The following CDH18 variants were observed in gnomAD, a reference collection of about 807,000 sequenced individuals.
The protein encoded by CDH18 is cadherin-18.
In CDH18, 31 loss-of-function variants were observed where a neutral mutation model predicts 67.9. The ratio of observed to expected loss-of-function variants is 0.46; its 90% confidence interval spans 0.34 to 0.62. CDH18 has a LOEUF of 0.62. CDH18 is among the 20% of genes least tolerant of loss of function. CDH18 has a pLI of 0.01. For missense variants in CDH18, 890 were observed against 975.5 expected (o/e 0.91, Z 1.17); for synonymous variants, 362 against 347.2 (o/e 1.04, Z -0.48).
chr5:19,864,349 A>C (rs1193323132), intron 2 of CDH18, among the ~76,000 whole-genome samples: 1 of 126,086 alleles, frequency 7.9e-6, no homozygotes, highest in Non-Finnish European at 1.6e-5. Flanking sequence ...GGACACAGGA[A>C]GGGGAACATC....
At chr5:20,173,604 T>G (rs1007743698) in intron 2 of CDH18, among the ~76,000 whole-genome samples, 18 of 152,100 alleles carry the variant, frequency 1.2e-4, no homozygotes, top group African/African-American at 4.1e-4. Flanking sequence ...CAGATTTGCA[T>G]TTAAAAATAT....
chr5:20,418,968 G>A (rs1266192882), intron 1 of CDH18, among the ~76,000 whole-genome samples: 1 of 151,912 alleles, frequency 6.6e-6, no homozygotes, highest in Non-Finnish European at 1.5e-5. Flanking sequence ...CAGAGCAAGA[G>A]GTTGGTACTG....
intron 2 of CDH18, among the ~76,000 whole-genome samples, chr5:19,972,454 C>T (rs2174963): frequency 0.42 from 64,193 of 151,632 alleles, 16,013 homozygotes; most frequent in Middle Eastern, 0.67. Context: ...AAAATGAAGG[C>T]GGTGCATTAT....
intron 5 of CDH18, among the ~76,000 whole-genome samples, chr5:19,644,985 A>G (rs1488640166): frequency 6.6e-6 from 1 of 152,202 alleles, no homozygotes; most frequent in Non-Finnish European, 1.5e-5. Flanking sequence ...TTGTGATTAA[A>G]TTCCTTTTTC....
intron 1 of CDH18, among the ~76,000 whole-genome samples, chr5:20,531,974 T>G (rs1756427946): frequency 2.6e-5 from 4 of 152,086 alleles, no homozygotes; most frequent in Admixed American, 2.6e-4. Flanking sequence ...AATTACAAAA[T>G]TATCCTGCTC....
chr5:20,532,036 A>T (rs1756432749), intron 1 of CDH18, among the ~76,000 whole-genome samples: 1 of 152,086 alleles, frequency 6.6e-6, no homozygotes, highest in Non-Finnish European at 1.5e-5. Flanking sequence ...ACAATATACT[A>T]AAAAAGTATT....
chr5:19,851,663 ATT>A (rs1422239166), intron 2 of CDH18, among the ~76,000 whole-genome samples: 1 of 151,782 alleles, frequency 6.6e-6, no homozygotes, highest in South Asian at 2.1e-4. Context: ...TACTTAACTT[ATT>A]TTTTACTACC....
intron 9 of CDH18, among the ~76,000 whole-genome samples, 172 bp downstream of exon 9, chr5:19,543,697 T>G (rs1458552377): frequency 6.6e-6 from 1 of 152,120 alleles, no homozygotes; most frequent in East Asian, 1.9e-4. Flanking sequence ...GAGGAAGGCA[T>G]AAGACTTATT....
At chr5:20,342,737 T>A (rs899252315) in intron 1 of CDH18, among the ~76,000 whole-genome samples, 5 of 152,194 alleles carry the variant, frequency 3.3e-5, no homozygotes, top group African/African-American at 1.2e-4. Flanking sequence ...ATGTTGCAGG[T>A]CAGGGAGTTA....
chr5:20,018,581 A>C (rs959386176), intron 2 of CDH18, among the ~76,000 whole-genome samples: 1 of 151,448 alleles, frequency 6.6e-6, no homozygotes, highest in Non-Finnish European at 1.5e-5. Context: ...GAAAATGATA[A>C]AAAATATGAG....
At chr5:20,460,142 C>A (rs1223749140) in intron 1 of CDH18, among the ~76,000 whole-genome samples, 6 of 151,930 alleles carry the variant, frequency 3.9e-5, no homozygotes, top group Admixed American at 6.6e-5. Context: ...TGTCTGTAAT[C>A]CCAGCACTTT....
chr5:20,225,397 T>C (rs1482040293), intron 2 of CDH18, among the ~76,000 whole-genome samples: 1 of 152,098 alleles, frequency 6.6e-6, no homozygotes, highest in Non-Finnish European at 1.5e-5. Flanking sequence ...GCATAAAGGA[T>C]CAACTTTCTA....
chr5:19,511,488 T>G (rs569774795), intron 10 of CDH18, among the ~76,000 whole-genome samples: 179 of 152,222 alleles, frequency 1.2e-3, no homozygotes, highest in South Asian at 2.5e-3. Flanking sequence ...AGAGACTCGT[T>G]GAATGGCTTT....
chr5:19,859,488 C>A (rs1332743801), intron 2 of CDH18, among the ~76,000 whole-genome samples: 5 of 152,160 alleles, frequency 3.3e-5, no homozygotes, highest in African/African-American at 9.7e-5. Flanking sequence ...ATCTCCTTCC[C>A]TTTCCAGGTC....
chr5:19,811,128 AAG>A (rs1490944121), intron 3 of CDH18, among the ~76,000 whole-genome samples: 1 of 126,070 alleles, frequency 7.9e-6, no homozygotes, highest in African/African-American at 3.1e-5. Flanking sequence ...GAAAGAAAGA[AAG>A]AAAGAAAGAA....
At chr5:19,755,519 A>ATGTG (rs1467979151) in intron 3 of CDH18, among the ~76,000 whole-genome samples, 53 of 112,168 alleles carry the variant, frequency 4.7e-4, no homozygotes, top group Non-Finnish European at 9.1e-4. Context: ...ACATATATAT[A>ATGTG]TATGCCCTGT....
chr5:19,531,494 GT>G (rs1265569160), intron 9 of CDH18, among the ~76,000 whole-genome samples: 1 of 152,136 alleles, frequency 6.6e-6, no homozygotes, highest in Non-Finnish European at 1.5e-5. Flanking sequence ...GTAATGCAAA[GT>G]TGTATAGCCA....
At chr5:19,756,448 T>A (rs1348810723) in intron 3 of CDH18, among the ~76,000 whole-genome samples, 1 of 152,232 alleles carries the variant, frequency 6.6e-6, no homozygotes, top group Non-Finnish European at 1.5e-5. Flanking sequence ...GATATTTTCC[T>A]GGTGGAGTGA....
intron 2 of CDH18, among the ~76,000 whole-genome samples, chr5:20,112,096 A>G (rs878151): frequency 0.043 from 6,539 of 152,208 alleles, 495 homozygotes; most frequent in African/African-American, 0.15. Flanking sequence ...AAAATTTCAA[A>G]GATACATTTC....
Sources: gnomAD v4.1 joint callset for allele counts (sites outside exome capture counted in the v4.1 genomes callset) on GRCh38, gnomAD v4.1.1 for gene constraint, MANE v1.5 for transcripts, NCBI Gene and HGNC (gene_info 2026-07-23, HGNC 2026-07-21) for gene names.